Variants in MME observed in about 807,000 individuals in gnomAD.
MME encodes the protein membrane metalloendopeptidase.
Under a neutral mutation model 113.2 loss-of-function variants are expected in MME, and 98 were observed. The observed-to-expected ratio is 0.87, with a 90% CI of 0.74 to 1.02. The LOEUF (loss-of-function observed/expected upper bound fraction) is 1.02, where lower values mean the gene tolerates loss of function less well. Among genes scored for constraint, MME ranks in the 50% least tolerant of loss-of-function variants. The pLI is 0.00. For synonymous variants in MME, 292 were observed against 300.6 expected, an observed-to-expected ratio of 0.97 and a Z score of 0.30; for missense variants, 836 against 896.0, an observed-to-expected ratio of 0.93 and a Z score of 0.86.
Position 155,084,239 on chromosome 3 carries a change from G to T in MME, c.72G>T (p.Trp24Cys), listed in dbSNP as rs199920139. Residue 24 changes from tryptophan (W) to cysteine (C), a missense_variant, in exon 2 of 23, where the codon TGG becomes TGT. Coordinates refer to ENST00000360490, the MANE Select transcript of MME (RefSeq NM_007289.4). ...CAAAGCCAAAGAAGAAACAGCGATG[G>T]ACTCCACTGGAGATCAGCCTCTCGG... ...NTPKPKKKQR[W>C]TPLEISLSVL... 3.1e-6 allele frequency: 5 copies of T among 1,614,062 alleles called. No homozygotes were observed. Among genetic ancestry groups the T allele is most frequent in the Non-Finnish European group, 4.2e-6 (5 of 1,179,988 alleles).
intron 1 of MME, among the ~76,000 whole-genome samples, chr3:155,061,476 CA>C (rs1050774955): frequency 3.4e-5 from 5 of 148,552 alleles, no homozygotes; most frequent in Admixed American, 3.4e-4. Context: ...AAAAAGGTAT[CA>C]AGCATTATTC....
intron 17 of MME, among the ~76,000 whole-genome samples, chr3:155,162,245 C>A (rs1722771592): frequency 6.6e-6 from 1 of 152,194 alleles, no homozygotes; most frequent in African/African-American, 2.4e-5. Context: ...TTATGCCAAG[C>A]AGGACCTTGT....
chr3:155,126,171 T>A, intron 8 of MME, among the ~76,000 whole-genome samples: 1 of 152,120 alleles, frequency 6.6e-6, no homozygotes, highest in East Asian at 1.9e-4. Flanking sequence ...CTGTGTGGGG[T>A]ACAGCTACTG....
upstream of MME, among the ~76,000 whole-genome samples, chr3:155,075,522 T>C (rs1412289028): frequency 1.3e-5 from 2 of 152,216 alleles, no homozygotes; most frequent in Non-Finnish European, 2.9e-5. Flanking sequence ...TTAGATTGAC[T>C]TATGTTTAAT....
chr3:155,087,113 A>G (rs564518699), intron 3 of MME, among the ~76,000 whole-genome samples: 2 of 151,648 alleles, frequency 1.3e-5, no homozygotes, highest in Non-Finnish European at 2.9e-5. Context: ...CTGGGATTAC[A>G]GGCATGAGCC....
upstream of MME, among the ~76,000 whole-genome samples, chr3:155,076,160 TA>T (rs763420833): frequency 6.6e-6 from 1 of 152,224 alleles, no homozygotes; most frequent in Non-Finnish European, 1.5e-5. Flanking sequence ...ACAATTAGTA[TA>T]AATTCTATTC....
chr3:155,170,732 T>C (rs755527759), intron 20 of MME, among the ~76,000 whole-genome samples: 40 of 152,234 alleles, frequency 2.6e-4, no homozygotes, highest in Non-Finnish European at 5.4e-4. Flanking sequence ...TTCTCCTCTT[T>C]AGTAACCTGT....
intron 3 of MME, among the ~76,000 whole-genome samples, chr3:155,100,158 A>G (rs1299749052): frequency 6.6e-6 from 1 of 152,226 alleles, no homozygotes; most frequent in Non-Finnish European, 1.5e-5. Context: ...CTCATCTGAC[A>G]AAGGGCTAGT....
intron 14 of MME, 70 bp from the exon 15 acceptor site, chr3:155,147,074 T>A (rs1005780338): frequency 1.0e-6 from 1 of 979,284 alleles, no homozygotes; most frequent in Admixed American, 1.7e-5. Context: ...TTGCTAGTCA[T>A]GGGCAGATTA....
chr3:155,031,454 A>G (rs1426600123), intron 1 of MME, among the ~76,000 whole-genome samples: 1 of 152,088 alleles, frequency 6.6e-6, no homozygotes, highest in East Asian at 1.9e-4. Context: ...AGTTCAGATC[A>G]TAGAGGAAGA....
intron 1 of MME, among the ~76,000 whole-genome samples, chr3:155,049,374 C>G (rs551825191): frequency 6.6e-6 from 1 of 152,056 alleles, no homozygotes; most frequent in African/African-American, 2.4e-5. Flanking sequence ...TGGAGTGATA[C>G]ATCCACGAGC....
chr3:155,154,182 G>A (rs1225770624), intron 16 of MME, among the ~76,000 whole-genome samples: 1 of 152,118 alleles, frequency 6.6e-6, no homozygotes, highest in Non-Finnish European at 1.5e-5. Context: ...GTTGCTTCAA[G>A]CATGGTGTTT....
chr3:155,044,508 T>C (rs935382773), intron 1 of MME, among the ~76,000 whole-genome samples: 5 of 152,274 alleles, frequency 3.3e-5, no homozygotes, highest in African/African-American at 7.2e-5. Context: ...ATATTATTAT[T>C]GCTTTTTTAA....
At chr3:155,167,135 C>T (rs945017501) in intron 18 of MME, 114 bp downstream of exon 18, 30 of 1,337,106 alleles carry the variant, frequency 2.2e-5, no homozygotes, top group Non-Finnish European at 3.1e-5. Context: ...TATCATTTCT[C>T]TAATTTTCAC....
chr3:155,092,308 G>A (rs1043677855), intron 3 of MME, among the ~76,000 whole-genome samples: 1 of 152,186 alleles, frequency 6.6e-6, no homozygotes, highest in African/African-American at 2.4e-5. Flanking sequence ...ACCACCACAG[G>A]CTACAGTGAA....
chr3:155,064,111 C>CA (rs547249023), intron 1 of MME, among the ~76,000 whole-genome samples: 70 of 152,018 alleles, frequency 4.6e-4, no homozygotes, highest in East Asian at 2.9e-3. Context: ...GCCAACATGG[C>CA]AAACTCTGTC....
intron 17 of MME, among the ~76,000 whole-genome samples, chr3:155,166,272 C>T (rs1251417446): frequency 6.6e-6 from 1 of 151,948 alleles, no homozygotes; most frequent in African/African-American, 2.4e-5. Context: ...ATTTGAGGAG[C>T]TGGGGTAGGA....
chr3:155,134,687 A>G (rs1720482030), intron 8 of MME, among the ~76,000 whole-genome samples: 1 of 152,112 alleles, frequency 6.6e-6, no homozygotes, highest in Non-Finnish European at 1.5e-5. Flanking sequence ...TGGTAGTTCT[A>G]TTTTAAGTTC....
Position 155,085,110 on chromosome 3 carries a change from T to A in MME, c.196+16T>A. 1 of 1,533,484 alleles carries A rather than the reference T, an allele frequency of 6.5e-7. No homozygotes were observed. Among genetic ancestry groups the A allele is most frequent in the Non-Finnish European group, 9.0e-7 (1 of 1,111,782 alleles). 95.0% of individuals were successfully genotyped at this position (1,533,484 alleles called of 1,614,324 possible). A position where few individuals can be genotyped will look rare whatever the true frequency, so the allele number is the denominator to read the frequency against. ...ATAAAATCAGGTAAGAAATGGTTTT[T>A]ACGTGTAATAGTTATACAACTGATG... On this transcript the variant is annotated intron_variant, in intron 3 of 22. Coordinates refer to ENST00000360490, the MANE Select transcript of MME (RefSeq NM_007289.4).
Sources: allele counts gnomAD v4.1 joint callset (sites outside exome capture counted in the v4.1 genomes callset), GRCh38; gene constraint gnomAD v4.1.1; transcripts MANE v1.5; gene names NCBI Gene and HGNC (gene_info 2026-07-23, HGNC 2026-07-21).